The following ZNF345 variants were observed in gnomAD, a reference collection of about 807,000 sequenced individuals.
The protein encoded by ZNF345 is zinc finger protein 345.
For synonymous variants in ZNF345, 166 were observed against 187.9 expected (o/e 0.88, Z 0.95); for missense variants, 527 against 589.9 (o/e 0.89, Z 1.10).
At chr19:36,888,437 C>T (rs1001085538) in intron 3 of ZNF345, 3 of 152,182 alleles carry the variant, frequency 2.0e-5, no homozygotes, top group African/African-American at 7.2e-5. Flanking sequence ...AATTTATACA[C>T]CCATTTTCTG....
intron 2 of ZNF345, among the ~76,000 whole-genome samples, chr19:36,869,864 C>T (rs975416251): frequency 7.3e-5 from 11 of 151,314 alleles, no homozygotes; most frequent in African/African-American, 2.7e-4. Flanking sequence ...TGGGTTCAAG[C>T]AGTTCTCCTG....
intron 2 of ZNF345, among the ~76,000 whole-genome samples, chr19:36,874,691 A>C (rs111796580): frequency 0.17 from 25,248 of 152,094 alleles, 2,450 homozygotes; most frequent in Middle Eastern, 0.27. Context: ...AGGCAGGAGA[A>C]TCACTTGAAC....
chr19:36,857,038 G>A (rs949739817), intron 2 of ZNF345, among the ~76,000 whole-genome samples: 6 of 151,964 alleles, frequency 3.9e-5, no homozygotes, highest in Admixed American at 1.3e-4. Context: ...CAATCGTTGT[G>A]TAGCTATTGA....
Position 36,874,125 on chromosome 19 carries a change from CTA to C in ZNF345, c.-46-2658_-46-2657del, listed in dbSNP as rs1377860317. 3.9e-5 allele frequency among the ~76,000 whole-genome samples: 6 copies of C among 152,266 alleles called. No individual in the cohort carries two copies. In the South Asian group the frequency reaches 1.2e-3, roughly 32 times the overall value. On this transcript the variant is annotated intron_variant, in intron 2 of 2. Transcript: ENST00000420450. Reference sequence around the variant, plus strand: ...ACTTTTTTATACACAAAAAGTGTAACTATGTGTGGGCTTTCCTTACTTTTAGT... The same window carrying C: ...ACTTTTTTATACACAAAAAGTGTAACTGTGTGGGCTTTCCTTACTTTTAGT...
In ZNF345 at chr19:36,877,565, T is replaced by A; in HGVS notation, c.735T>A (p.Leu245=). 6.2e-7 allele frequency: 1 copy of A among 1,614,118 alleles called. No homozygotes were observed. The highest frequency in any genetic ancestry group is 8.5e-7 in the Non-Finnish European group (1 of 1,180,016). Reference sequence around the variant, plus strand: ...TGGCCTTTAGCAGTGGTTCGGCTCTTACTCGGCATCAGAGAATTCATACCG... The same window carrying A: ...TGGCCTTTAGCAGTGGTTCGGCTCTAACTCGGCATCAGAGAATTCATACCG... ...CGMAFSSGSA[L]TRHQRIHTGE... Residue 245 remains leucine (L), a synonymous_variant, in exon 3 of 3, where the codon CTT becomes CTA. Coordinates refer to ENST00000420450, the MANE Select transcript of ZNF345 (RefSeq NM_001242472.2).
At chr19:36,854,174 G>T (rs1187334760) in intron 2 of ZNF345, among the ~76,000 whole-genome samples, 1 of 151,400 alleles carries the variant, frequency 6.6e-6, no homozygotes, top group Non-Finnish European at 1.5e-5. Flanking sequence ...GGCATTGACT[G>T]TCTGGAATCT....
chr19:36,880,298 G>C (rs1168449983), downstream of ZNF345, among the ~76,000 whole-genome samples: 2 of 152,068 alleles, frequency 1.3e-5, no homozygotes, highest in African/African-American at 4.8e-5. Flanking sequence ...CTGGGTGACA[G>C]AGCAAGGCTC....
intron 2 of ZNF345, among the ~76,000 whole-genome samples, chr19:36,868,618 A>T (rs2072710921): frequency 6.8e-6 from 1 of 148,064 alleles, no homozygotes; most frequent in African/African-American, 2.5e-5. Flanking sequence ...CCACATGGAT[A>T]TGAGGAGTGG....
intron 2 of ZNF345, among the ~76,000 whole-genome samples, chr19:36,859,061 A>G (rs1208373427): frequency 6.6e-6 from 1 of 151,926 alleles, no homozygotes; most frequent in Non-Finnish European, 1.5e-5. Flanking sequence ...TGGTACATAC[A>G]CATACCACGT....
chr19:36,864,264 T>G (rs1398770508), intron 2 of ZNF345, among the ~76,000 whole-genome samples: 1 of 152,138 alleles, frequency 6.6e-6, no homozygotes, highest in Non-Finnish European at 1.5e-5. Flanking sequence ...ATGCCTCACA[T>G]CTGTAATCCC....
At chr19:36,851,531 G>C (rs1237640950) in intron 1 of ZNF345, 1 of 151,822 alleles carries the variant, frequency 6.6e-6, no homozygotes, top group Non-Finnish European at 1.5e-5. Flanking sequence ...ATGTCCCTGC[G>C]GTGTGAGTGA....
chr19:36,862,234 TC>T, intron 2 of ZNF345, among the ~76,000 whole-genome samples: 1 of 152,284 alleles, frequency 6.6e-6, no homozygotes, highest in South Asian at 2.1e-4. Flanking sequence ...TTTGGTTTTT[TC>T]CCCCATTAAA....
intron 2 of ZNF345, among the ~76,000 whole-genome samples, chr19:36,870,843 T>C (rs942601489): frequency 2.0e-5 from 3 of 152,154 alleles, no homozygotes; most frequent in Admixed American, 1.3e-4. Context: ...AGTGGACCCA[T>C]TAAATATGGA....
intron 2 of ZNF345, chr19:36,872,504 CCT>C (rs1368497356): frequency 6.6e-6 from 1 of 152,240 alleles, no homozygotes; most frequent in Non-Finnish European, 1.5e-5. Flanking sequence ...CTCTCTCGAC[CCT>C]CTCTTTTGCT....
intron 2 of ZNF345, among the ~76,000 whole-genome samples, chr19:36,863,976 A>C (rs992160989): frequency 6.6e-6 from 1 of 152,230 alleles, no homozygotes; most frequent in African/African-American, 2.4e-5. Context: ...TCAATCCCAA[A>C]GGATTAGCAA....
Position 36,877,022 on chromosome 19 carries a change from T to C in ZNF345, c.192T>C (p.Cys64=), listed in dbSNP as rs1274052206. 2 of 1,614,014 alleles carry C rather than the reference T, an allele frequency of 1.2e-6. No homozygotes were observed. Among genetic ancestry groups the C allele is most frequent in the East Asian group, 2.2e-5 (1 of 44,890 alleles). The change falls in exon 3 of 3, where the codon TGT becomes TGC. Residue 64 remains cysteine (C), a synonymous_variant. Transcript: ENST00000420450. ...ATACTGATGAGAAACTCCTTGAATG[T>C]AAGGAATGTGGGAAGGATTTTAGTT... The part of the protein sequence containing the change: ...RIHTDEKLLE[C]KECGKDFSFV...
intron 2 of ZNF345, among the ~76,000 whole-genome samples, chr19:36,866,978 T>C (rs2072673652): frequency 6.6e-6 from 1 of 152,262 alleles, no homozygotes; most frequent in Admixed American, 6.5e-5. Flanking sequence ...AGCATTTTAC[T>C]CTTAATAAAA....
intron 2 of ZNF345, among the ~76,000 whole-genome samples, chr19:36,859,954 T>TTTTGTTTG (rs989096632): frequency 6.6e-6 from 1 of 151,900 alleles, no homozygotes; most frequent in African/African-American, 2.4e-5. Flanking sequence ...TTGCAGATTT[T>TTTTGTTTG]TTTGTTTGTT....
Position 36,877,859 on chromosome 19 carries a change from A to G in ZNF345, c.1029A>G (p.Glu343=), listed in dbSNP as rs200082837. 207 of 1,613,812 alleles carry G rather than the reference A, an allele frequency of 1.3e-4. No individual in the cohort carries two copies. In the East Asian group the frequency reaches 4.1e-3, roughly 32 times the overall value. Reference sequence around the variant, plus strand: ...TGCATACTGGAGAGAAACCTTATGAATGTAAGGAATGTGGGAAGACCTTTA... The same window carrying G: ...TGCATACTGGAGAGAAACCTTATGAGTGTAAGGAATGTGGGAAGACCTTTA... The part of the protein sequence containing the change: ...QRMHTGEKPY[E]CKECGKTFSS... The change falls in exon 3 of 3, where the codon GAA becomes GAG. Residue 343 remains glutamate (E), a synonymous_variant. Coordinates refer to ENST00000420450, the MANE Select transcript of ZNF345 (RefSeq NM_001242472.2).
Sources: gnomAD v4.1 joint callset for allele counts (sites outside exome capture counted in the v4.1 genomes callset) on GRCh38, gnomAD v4.1.1 for gene constraint, MANE v1.5 for transcripts, NCBI Gene and HGNC (gene_info 2026-07-23, HGNC 2026-07-21) for gene names.